PCDH15: variants seen among roughly 807,000 people sequenced by gnomAD.
The protein encoded by PCDH15 is protocadherin-15.
In PCDH15, 129 loss-of-function variants were observed where a neutral mutation model predicts 178.5. That is an observed-to-expected ratio of 0.72 (90% confidence interval 0.63 to 0.84). The LOEUF (loss-of-function observed/expected upper bound fraction) is 0.84, where lower values mean the gene tolerates loss of function less well. Among genes scored for constraint, PCDH15 ranks in the 40% least tolerant of loss-of-function variants. PCDH15 has a pLI of 0.00. For missense variants in PCDH15, 2,230 were observed against 2,099.9 expected (o/e 1.06, Z -1.21); for synonymous variants, 800 against 732.0 (o/e 1.09, Z -1.50).
intron 2 of PCDH15, among the ~76,000 whole-genome samples, chr10:54,936,962 G>A (rs1000177109): frequency 4.6e-5 from 7 of 151,744 alleles, no homozygotes; most frequent in Non-Finnish European, 1.0e-4. Context: ...TCTTCTAAGA[G>A]TTCTATGGTT....
intron 8 of PCDH15, 115 bp from the exon 9 acceptor site, chr10:54,237,046 T>A: frequency 1.1e-6 from 1 of 903,462 alleles, no homozygotes; most frequent in South Asian, 1.3e-5. Flanking sequence ...TAAACTCAAG[T>A]TTCAACATTT....
intron 1 of PCDH15, among the ~76,000 whole-genome samples, chr10:54,671,360 C>CA (rs928410732): frequency 5.9e-5 from 9 of 151,336 alleles, no homozygotes; most frequent in East Asian, 3.9e-4. Context: ...AATCCATCAG[C>CA]AAAAAAAATC....
intron 3 of PCDH15, among the ~76,000 whole-genome samples, chr10:54,394,384 A>G (rs1389273801): frequency 6.6e-6 from 1 of 152,052 alleles, no homozygotes; most frequent in African/African-American, 2.4e-5. Context: ...AAAGAGAAAA[A>G]TTTTAAACCT....
chr10:53,913,509 G>A (rs181299642), intron 25 of PCDH15, among the ~76,000 whole-genome samples: 2,307 of 151,406 alleles, frequency 0.015, 49 homozygotes, highest in African/African-American at 0.05. Flanking sequence ...TGAGGCAGGC[G>A]AATCACGAGG....
intron 1 of PCDH15, among the ~76,000 whole-genome samples, chr10:54,669,239 T>A (rs564690557): frequency 2.2e-4 from 33 of 152,192 alleles, no homozygotes; most frequent in Non-Finnish European, 4.0e-4. Context: ...GCTGTTCCTT[T>A]TTTAAAATGT....
At chr10:55,112,336 C>T (rs144268228) in intron 2 of PCDH15, among the ~76,000 whole-genome samples, 6 of 151,880 alleles carry the variant, frequency 4.0e-5, no homozygotes, top group South Asian at 2.1e-4. Flanking sequence ...TGTGAAGATT[C>T]GATGAGAAGA....
chr10:54,682,816 A>C (rs2094923600), intron 1 of PCDH15, among the ~76,000 whole-genome samples: 1 of 152,184 alleles, frequency 6.6e-6, no homozygotes, highest in African/African-American at 2.4e-5. Context: ...AATGAAGCTC[A>C]TATCTTGCTA....
In PCDH15 at chr10:53,887,219, T is replaced by G. The variant is rs1216039834; in HGVS notation, c.3501+16024A>C. On this transcript the variant is annotated intron_variant, in intron 26 of 37. Transcript: ENST00000644397. ...ACCACCTGTAATATAGTATTTCGTC[T>G]TCCTAAAACATGCATTCTTGCTATA... Among the ~76,000 whole-genome samples, 3 of 152,184 alleles carry G rather than the reference T, an allele frequency of 2.0e-5. No individual in the cohort carries two copies. In the East Asian group the frequency reaches 5.8e-4, roughly 29 times the overall value.
chr10:55,016,426 G>T (rs528799741), intron 2 of PCDH15, among the ~76,000 whole-genome samples: 1 of 151,864 alleles, frequency 6.6e-6, no homozygotes, highest in East Asian at 1.9e-4. Flanking sequence ...CCCAGCCCCC[G>T]GTAACTGGCA....
At chr10:55,405,819 G>T (rs556829301) in intron 2 of PCDH15, among the ~76,000 whole-genome samples, 1 of 151,748 alleles carries the variant, frequency 6.6e-6, no homozygotes, top group South Asian at 2.1e-4. Flanking sequence ...GTGGTACACA[G>T]ACAATACAAA....
intron 1 of PCDH15, among the ~76,000 whole-genome samples, chr10:54,751,871 G>T (rs1046358465): frequency 6.6e-6 from 1 of 152,000 alleles, no homozygotes; most frequent in Non-Finnish European, 1.5e-5. Flanking sequence ...TGACTAAAAG[G>T]CTTTCCCAAT....
Position 54,982,994 on chromosome 10 carries a change from T to C in PCDH15, c.-79-85494A>G, listed in dbSNP as rs185648783. The stretch of plus-strand genomic sequence containing the variant: ...CCCCCAAAATAGAGCTAACATAATG[T>C]AGAGCCTACTTACAACATTCAGTCT... On this transcript the variant is annotated intron_variant, in intron 2 of 5. Transcript: ENST00000458638. Among the ~76,000 whole-genome samples the C allele has an allele frequency of 3.8e-3, 586 of 152,242 alleles. 3 individuals carry two copies. The highest frequency in any genetic ancestry group is 6.7e-3 in the Admixed American group (102 of 15,270).
At chr10:54,096,031 T>C (rs563937110) in intron 15 of PCDH15, among the ~76,000 whole-genome samples, 1 of 152,104 alleles carries the variant, frequency 6.6e-6, no homozygotes, top group African/African-American at 2.4e-5. Context: ...AAAACAATCT[T>C]CTCTGGAGAG....
intron 9 of PCDH15, among the ~76,000 whole-genome samples, chr10:54,231,097 C>T (rs952263087): frequency 2.0e-5 from 3 of 152,080 alleles, no homozygotes; most frequent in Non-Finnish European, 4.4e-5. Flanking sequence ...ACAGATTATG[C>T]TTTTCTTTCA....
At chr10:54,557,323 C>T (rs1212959781) in intron 2 of PCDH15, among the ~76,000 whole-genome samples, 2 of 152,110 alleles carry the variant, frequency 1.3e-5, no homozygotes, top group Non-Finnish European at 2.9e-5. Flanking sequence ...GTGTGGCCAA[C>T]AAATTATACC....
intron 2 of PCDH15, among the ~76,000 whole-genome samples, chr10:55,088,459 A>T (rs114869226): frequency 2.7e-4 from 41 of 151,942 alleles, no homozygotes; most frequent in African/African-American, 9.9e-4. Context: ...TTTTTAGTAA[A>T]GATGTGGTCT....
At chr10:53,890,157 G>C (rs1179869199) in intron 26 of PCDH15, among the ~76,000 whole-genome samples, 2 of 152,252 alleles carry the variant, frequency 1.3e-5, no homozygotes, top group African/African-American at 4.8e-5. Flanking sequence ...GCTGGGCACA[G>C]TGGCTCATGC....
upstream of PCDH15, among the ~76,000 whole-genome samples, chr10:54,802,119 G>A (rs1183374122): frequency 6.6e-6 from 1 of 152,148 alleles, no homozygotes; most frequent in Non-Finnish European, 1.5e-5. Flanking sequence ...AATGACAGGT[G>A]AAGACTATCA....
intron 1 of PCDH15, among the ~76,000 whole-genome samples, chr10:54,679,044 G>T (rs1424153970): frequency 6.6e-6 from 1 of 151,662 alleles, no homozygotes; most frequent in Non-Finnish European, 1.5e-5. Flanking sequence ...CAAAAAATTA[G>T]CCGGGCGTGT....
Sources: allele counts gnomAD v4.1 joint callset (sites outside exome capture counted in the v4.1 genomes callset), GRCh38; gene constraint gnomAD v4.1.1; transcripts MANE v1.5; gene names NCBI Gene and HGNC (gene_info 2026-07-23, HGNC 2026-07-21).